The following FIGN variants were observed in gnomAD, a reference collection of about 807,000 sequenced individuals.
The protein encoded by FIGN is fidgetin.
A neutral mutation model predicts 51.3 loss-of-function variants in FIGN; 11 were observed. The ratio of observed to expected loss-of-function variants is 0.21; its 90% CI spans 0.13 to 0.35. The LOEUF (loss-of-function observed/expected upper bound fraction) is 0.35. FIGN is among the 10% of genes least tolerant of loss of function. FIGN has a pLI of 1.00. For missense variants in FIGN, 857 were observed against 943.6 expected, an observed-to-expected ratio of 0.91 and a Z score of 1.20; for synonymous variants, 407 against 363.2, an observed-to-expected ratio of 1.12 and a Z score of -1.37.
intron 2 of FIGN, among the ~76,000 whole-genome samples, chr2:163,661,889 TA>T (rs1443925999): frequency 6.6e-6 from 1 of 152,180 alleles, no homozygotes; most frequent in African/African-American, 2.4e-5. Flanking sequence ...TAAGTCCAAC[TA>T]AACCTCTTTT....
intron 2 of FIGN, among the ~76,000 whole-genome samples, chr2:163,689,742 A>C (rs570357991): frequency 1.2e-4 from 18 of 152,274 alleles, no homozygotes; most frequent in African/African-American, 3.8e-4. Context: ...TAGGATCAAG[A>C]TTATGTCTGT....
intron 2 of FIGN, among the ~76,000 whole-genome samples, chr2:163,670,338 C>A (rs1426913657): frequency 1.3e-5 from 2 of 152,042 alleles, no homozygotes; most frequent in African/African-American, 4.8e-5. Context: ...AAAACAAACC[C>A]CCCACAACAA....
intron 2 of FIGN, among the ~76,000 whole-genome samples, chr2:163,675,825 T>C (rs919538296): frequency 1.4e-5 from 2 of 145,186 alleles, no homozygotes; most frequent in African/African-American, 5.0e-5. Context: ...ATATATAATA[T>C]ATATACATCA....
chr2:163,681,176 A>C (rs1684056314), intron 2 of FIGN, among the ~76,000 whole-genome samples: 1 of 152,184 alleles, frequency 6.6e-6, no homozygotes. Flanking sequence ...GGGGTCAATA[A>C]ATAGTTGTTG....
chr2:163,625,129 C>T (rs1545205), intron 2 of FIGN, among the ~76,000 whole-genome samples: 4,610 of 151,860 alleles, frequency 0.03, 251 homozygotes, highest in African/African-American at 0.11. Context: ...AAATGGTAAC[C>T]AAGAATTTTA....
At chr2:163,655,158 T>C (rs755255858) in intron 2 of FIGN, among the ~76,000 whole-genome samples, 4 of 152,216 alleles carry the variant, frequency 2.6e-5, no homozygotes, top group Non-Finnish European at 5.9e-5. Flanking sequence ...TTTCGGGCCA[T>C]GACCTTCTTT....
In FIGN at chr2:163,611,662, T is replaced by A; in HGVS notation, c.170A>T (p.Asp57Val). The part of the protein sequence containing the change: ...QRTYQYAWAN[D>V]DISALTASNL... The stretch of plus-strand genomic sequence containing the variant: ...GGATGCAGTCAGAGCAGATATGTCA[T>A]CATTCGCCCAGGCGTACTGATAGGT... The change falls in exon 3 of 3, where the codon GAT becomes GTT. Residue 57 changes from aspartate (D) to valine (V), a missense_variant. By Grantham distance (152) the Asp-to-Val change is radical. This residue lies in a region of FIGN where 56 missense variants were observed against 75.3 expected (regional missense o/e 0.74). Transcript: ENST00000333129. The A allele has an allele frequency of 6.2e-7, 1 of 1,614,196 alleles. No individual in the cohort carries two copies. Among genetic ancestry groups the A allele is most frequent in the Non-Finnish European group, 8.5e-7 (1 of 1,180,020 alleles).
At chr2:163,668,025 C>CCCG (rs1553498965) in intron 2 of FIGN, among the ~76,000 whole-genome samples, 1 of 144,448 alleles carries the variant, frequency 6.9e-6, no homozygotes, top group African/African-American at 2.6e-5. Context: ...CCCCCCCCCC[C>CCCG]AAAAAACCCT....
At chr2:163,650,020 G>A (rs554363169) in intron 2 of FIGN, among the ~76,000 whole-genome samples, 2 of 152,166 alleles carry the variant, frequency 1.3e-5, no homozygotes, top group Admixed American at 1.3e-4. Context: ...GCCTAGATGC[G>A]CTCATCCCAT....
In FIGN at chr2:163,681,889, C is replaced by T. The variant is rs1307947950; in HGVS notation, c.25+53014G>A. On this transcript the variant is annotated intron_variant, in intron 2 of 2. Transcript: ENST00000333129. ...CAATCCAGAAACACTCTTTTTTCTT[C>T]AAAAGACAATTCTCACTAGTCCAGC... 2.0e-5 allele frequency among the ~76,000 whole-genome samples: 3 copies of T among 152,042 alleles called. No individual in the cohort carries two copies. The East Asian group carries it at 5.8e-4, about 29-fold the overall frequency.
chr2:163,717,549 A>G (rs1420583118), intron 2 of FIGN, among the ~76,000 whole-genome samples: 1 of 151,936 alleles, frequency 6.6e-6, no homozygotes. Flanking sequence ...AAAATTTAAC[A>G]CCTCTGAGGG....
chr2:163,678,686 C>A (rs1298047139), intron 2 of FIGN, among the ~76,000 whole-genome samples: 1 of 152,038 alleles, frequency 6.6e-6, no homozygotes, highest in Non-Finnish European at 1.5e-5. Flanking sequence ...GATATTTCAC[C>A]AAAATCCTGG....
rs1459557061 is a variant in FIGN, at chr2:163,694,813, T to C, written c.25+40090A>G. The stretch of plus-strand genomic sequence containing the variant: ...ACCTCCATCATCTTACAGTCCTTCT[T>C]TTCCTTTCTAAAAATTGTGTTAGAG... On this transcript the variant is annotated intron_variant, in intron 2 of 2. Transcript: ENST00000333129. 2.0e-5 allele frequency among the ~76,000 whole-genome samples: 3 copies of C among 152,146 alleles called. No individual in the cohort carries two copies. The East Asian group carries it at 5.8e-4, about 29-fold the overall frequency.
chr2:163,637,327 G>C (rs1392261359), intron 2 of FIGN, among the ~76,000 whole-genome samples: 1 of 152,032 alleles, frequency 6.6e-6, no homozygotes, highest in Admixed American at 6.6e-5. Flanking sequence ...TGTTCTTCTG[G>C]GGGTTTAAAA....
At chr2:163,703,081 G>A (rs1414974703) in intron 2 of FIGN, among the ~76,000 whole-genome samples, 4 of 150,402 alleles carry the variant, frequency 2.7e-5, no homozygotes, top group African/African-American at 4.9e-5. Flanking sequence ...TGTTACAAGC[G>A]GTTTATCAAA....
At chr2:163,647,168 C>G (rs1416845226) in intron 2 of FIGN, among the ~76,000 whole-genome samples, 1 of 152,182 alleles carries the variant, frequency 6.6e-6, no homozygotes, top group African/African-American at 2.4e-5. Flanking sequence ...TTAGAGAAGG[C>G]CTCCTTCCAA....
intron 2 of FIGN, among the ~76,000 whole-genome samples, chr2:163,696,425 G>T (rs906167689): frequency 6.6e-6 from 1 of 152,054 alleles, no homozygotes; most frequent in Non-Finnish European, 1.5e-5. Context: ...CCTCACAATC[G>T]TTTACTTATC....
At chr2:163,718,186 G>C (rs1483623451) in intron 2 of FIGN, among the ~76,000 whole-genome samples, 1 of 152,116 alleles carries the variant, frequency 6.6e-6, no homozygotes, top group Non-Finnish European at 1.5e-5. Context: ...ATCACTGAAA[G>C]AATTGTCAGC....
intron 2 of FIGN, among the ~76,000 whole-genome samples, chr2:163,703,681 A>G (rs1684445057): frequency 6.6e-6 from 1 of 152,086 alleles, no homozygotes; most frequent in Non-Finnish European, 1.5e-5. Flanking sequence ...TAAGATGTAA[A>G]GGTCTTCTTG....
Sources: gnomAD v4.1 joint callset for allele counts (sites outside exome capture counted in the v4.1 genomes callset) on GRCh38, gnomAD v4.1.1 for gene constraint, gnomAD v4.1.1 regional missense constraint, MANE v1.5 for transcripts, NCBI Gene and HGNC (gene_info 2026-07-23, HGNC 2026-07-21) for gene names.